The following ATP2B2 variants were observed in gnomAD, a reference collection of about 807,000 sequenced individuals.
ATP2B2 encodes plasma membrane calcium-transporting ATPase 2.
Under a neutral mutation model 120.0 loss-of-function variants are expected in ATP2B2, and 15 were observed. That is an observed-to-expected ratio of 0.12 (90% confidence interval 0.08 to 0.19). The LOEUF (loss-of-function observed/expected upper bound fraction) is 0.19. Among genes scored for constraint, ATP2B2 ranks in the 10% least tolerant of loss-of-function variants. The probability of loss-of-function intolerance (pLI) is 1.00; values close to 1 mark genes in which losing one functional copy is unlikely to be tolerated. For synonymous variants in ATP2B2, 694 were observed against 700.3 expected (o/e 0.99, Z 0.14); for missense variants, 1,045 against 1,719.8 (o/e 0.61, Z 6.94).
chr3:10,486,028 T>C (rs1238972751), intron 1 of ATP2B2, among the ~76,000 whole-genome samples: 7 of 152,130 alleles, frequency 4.6e-5, no homozygotes, highest in Admixed American at 3.9e-4. Context: ...CAAGTGGGCA[T>C]GGAGGCACCC....
intron 1 of ATP2B2, among the ~76,000 whole-genome samples, chr3:10,679,225 A>G (rs1047075327): frequency 6.6e-6 from 1 of 152,202 alleles, no homozygotes; most frequent in African/African-American, 2.4e-5. Flanking sequence ...GTGTATGGAA[A>G]CTGTGAGATA....
intron 18 of ATP2B2, 121 bp downstream of exon 18, chr3:10,345,263 G>C (rs950735617): frequency 1.7e-6 from 2 of 1,159,100 alleles, no homozygotes; most frequent in South Asian, 1.4e-5. Context: ...GTGCTCCATC[G>C]ATGGGTGCCT....
intron 1 of ATP2B2, among the ~76,000 whole-genome samples, chr3:10,465,459 G>A (rs1280600685): frequency 6.6e-6 from 1 of 152,250 alleles, no homozygotes; most frequent in Non-Finnish European, 1.5e-5. Flanking sequence ...CACAGCCCCA[G>A]CTCCTCCAGT....
At chr3:10,548,678 C>T (rs776862780) in intron 2 of ATP2B2, among the ~76,000 whole-genome samples, 1 of 152,212 alleles carries the variant, frequency 6.6e-6, no homozygotes, top group Non-Finnish European at 1.5e-5. Context: ...TCTCACTTCC[C>T]TACTCCCCTA....
chr3:10,652,349 G>A (rs1158064413), intron 1 of ATP2B2, among the ~76,000 whole-genome samples: 1 of 152,194 alleles, frequency 6.6e-6, no homozygotes, highest in Non-Finnish European at 1.5e-5. Context: ...TAAAATGATG[G>A]GCAGTCCTCT....
intron 2 of ATP2B2, among the ~76,000 whole-genome samples, chr3:10,550,740 T>C (rs1476824123): frequency 6.6e-6 from 1 of 152,182 alleles, no homozygotes; most frequent in African/African-American, 2.4e-5. Context: ...CAAGGATCAA[T>C]GTCACCCCGG....
chr3:10,510,989 T>C (rs2066750117), intron 3 of ATP2B2, among the ~76,000 whole-genome samples: 1 of 152,198 alleles, frequency 6.6e-6, no homozygotes, highest in Admixed American at 6.5e-5. Flanking sequence ...CTTTGGCTCC[T>C]TTGTGCTCTC....
At chr3:10,577,337 C>T (rs1250907550) in intron 2 of ATP2B2, among the ~76,000 whole-genome samples, 1 of 152,210 alleles carries the variant, frequency 6.6e-6, no homozygotes, top group Non-Finnish European at 1.5e-5. Context: ...GGCTTCTCAT[C>T]TAGTCTTTCC....
At chr3:10,626,213 A>G (rs926812055) in intron 1 of ATP2B2, 1 of 152,212 alleles carries the variant, frequency 6.6e-6, no homozygotes, top group Non-Finnish European at 1.5e-5. Context: ...AGAGAGAGGC[A>G]TTGCCCAAGC....
intron 2 of ATP2B2, among the ~76,000 whole-genome samples, chr3:10,571,808 G>A (rs189542986): frequency 6.6e-6 from 1 of 152,204 alleles, no homozygotes; most frequent in Non-Finnish European, 1.5e-5. Context: ...TGTCGCTTCT[G>A]GCACCTTGGC....
At chr3:10,470,245 C>T (rs2064926903) in intron 1 of ATP2B2, among the ~76,000 whole-genome samples, 1 of 152,132 alleles carries the variant, frequency 6.6e-6, no homozygotes, top group South Asian at 2.1e-4. Flanking sequence ...GGGCTATGCA[C>T]CTTCTGCCAC....
intron 2 of ATP2B2, among the ~76,000 whole-genome samples, chr3:10,549,570 T>G (rs2067624053): frequency 6.6e-6 from 1 of 152,266 alleles, no homozygotes; most frequent in Non-Finnish European, 1.5e-5. Context: ...TCCTATCACT[T>G]AGGCCAGCCA....
At chr3:10,430,238 T>C (rs2063274114) in intron 2 of ATP2B2, among the ~76,000 whole-genome samples, 1 of 152,182 alleles carries the variant, frequency 6.6e-6, no homozygotes. Context: ...ATTTAAACTT[T>C]CAAGTCTTAT....
intron 1 of ATP2B2, among the ~76,000 whole-genome samples, chr3:10,469,751 G>C (rs1484182027): frequency 6.6e-6 from 1 of 152,232 alleles, no homozygotes; most frequent in Non-Finnish European, 1.5e-5. Context: ...GGTTCCAAGA[G>C]AGGGTGGACT....
chr3:10,419,875 G>A (rs1255893769), intron 2 of ATP2B2, among the ~76,000 whole-genome samples: 1 of 152,242 alleles, frequency 6.6e-6, no homozygotes, highest in Admixed American at 6.5e-5. Context: ...TGAAGCCAAT[G>A]TGAATGCTGA....
chr3:10,633,876 C>T (rs950506205), intron 1 of ATP2B2, among the ~76,000 whole-genome samples: 2 of 152,180 alleles, frequency 1.3e-5, no homozygotes, highest in Non-Finnish European at 2.9e-5. Context: ...ATAACAGAGA[C>T]AAGAAATGCC....
chr3:10,415,600 C>T (rs2062753270), intron 2 of ATP2B2, among the ~76,000 whole-genome samples: 1 of 152,208 alleles, frequency 6.6e-6, no homozygotes, highest in Admixed American at 6.5e-5. Context: ...ACCTGTCATG[C>T]CCTTCCCAGG....
chr3:10,655,340 C>T (rs1471176166), intron 1 of ATP2B2, among the ~76,000 whole-genome samples: 1 of 98,786 alleles, frequency 1.0e-5, no homozygotes, highest in African/African-American at 9.1e-5. Context: ...CCAAGAACAG[C>T]AGCTTGGAAG....
At chr3:10,581,221 C>A (rs1211230382) in intron 2 of ATP2B2, among the ~76,000 whole-genome samples, 2 of 152,188 alleles carry the variant, frequency 1.3e-5, no homozygotes, top group African/African-American at 2.4e-5. Context: ...CACAACAGGA[C>A]TAGCTTGCAC....
Sources: gnomAD v4.1 joint callset for allele counts (sites outside exome capture counted in the v4.1 genomes callset) on GRCh38, gnomAD v4.1.1 for gene constraint, MANE v1.5 for transcripts, NCBI Gene and HGNC (gene_info 2026-07-23, HGNC 2026-07-21) for gene names.